Variants in CEP85L observed in about 807,000 individuals in gnomAD.
CEP85L encodes centrosomal protein 85L.
CEP85L carries 60 observed loss-of-function variants against 100.3 expected under a neutral mutation model. The ratio of observed to expected loss-of-function variants is 0.60; its 90% CI spans 0.49 to 0.74. The LOEUF (loss-of-function observed/expected upper bound fraction) is 0.74, where lower values mean the gene tolerates loss of function less well. Ranked by LOEUF, CEP85L falls within the 30% of genes least tolerant of loss-of-function variation. The pLI is 0.00. For missense variants in CEP85L, 973 were observed against 936.2 expected (o/e 1.04, Z -0.51); for synonymous variants, 319 against 322.7 (o/e 0.99, Z 0.12).
At chr6:118,530,618 C>T (rs1338740447) in intron 3 of CEP85L, among the ~76,000 whole-genome samples, 1 of 152,080 alleles carries the variant, frequency 6.6e-6, no homozygotes, top group Non-Finnish European at 1.5e-5. Context: ...ACCTAGAAAA[C>T]CCCATAGTTT....
chr6:118,611,693 C>T (rs757261337), intron 2 of CEP85L, among the ~76,000 whole-genome samples: 5 of 151,830 alleles, frequency 3.3e-5, no homozygotes, highest in African/African-American at 7.3e-5. Context: ...ATGAAAAAAG[C>T]GTGTTAGCTA....
intron 1 of CEP85L, among the ~76,000 whole-genome samples, chr6:118,695,083 C>A (rs979369423): frequency 2.0e-5 from 3 of 152,144 alleles, no homozygotes; most frequent in Admixed American, 1.3e-4. Context: ...GAAGCAACAC[C>A]ATTTACTCTC....
chr6:118,583,943 T>C (rs920436278), intron 2 of CEP85L, among the ~76,000 whole-genome samples: 3 of 152,210 alleles, frequency 2.0e-5, no homozygotes, highest in African/African-American at 7.2e-5. Context: ...ATTTAAAGGA[T>C]GCCTTTTTCT....
rs561369545 is a variant in CEP85L, at chr6:118,574,405, G to A, written c.233-8089C>T. On this transcript the variant is annotated intron_variant, in intron 2 of 12. Transcript: ENST00000368491. ...TCTCCTTTGTTCAATGTGCTCTTGC[G>A]ATCGTTACTGACGCAGGCACCACCC... Among the ~76,000 whole-genome samples, 8 of 152,320 alleles carry A rather than the reference G, an allele frequency of 5.3e-5. No homozygotes were observed. In the South Asian group the frequency reaches 6.2e-4, roughly 12 times the overall value.
intron 2 of CEP85L, among the ~76,000 whole-genome samples, chr6:118,596,253 C>T (rs1322679933): frequency 6.6e-6 from 1 of 152,034 alleles, no homozygotes. Flanking sequence ...TGATATATGG[C>T]ATGTTTTAAA....
chr6:118,466,990 C>A lies in CEP85L; in HGVS notation c.2255-1422G>T, dbSNP rs191446124. Among the ~76,000 whole-genome samples, 175 of 152,222 alleles carry A rather than the reference C, an allele frequency of 1.1e-3. 1 individual carries two copies. The highest frequency in any genetic ancestry group is 3.8e-3 in the African/African-American group (156 of 41,546). ...TTGAGTGATGGGCAGGGATTGGGCA[C>A]AGGCGCCAGATGAAGGAAAAAGCAG... On this transcript the variant is annotated intron_variant, in intron 12 of 12. Coordinates refer to ENST00000368491, the MANE Select transcript of CEP85L (RefSeq NM_001042475.3).
At chr6:118,652,281 C>T (rs1207347916), upstream of CEP85L, 2 of 499,822 alleles carry the variant, frequency 4.0e-6, no homozygotes, top group Non-Finnish European at 5.2e-6. Flanking sequence ...TCCTTGCCCC[C>T]TACTCCTTCA....
chr6:118,657,734 C>G (rs181035283), intron 1 of CEP85L, among the ~76,000 whole-genome samples: 1,506 of 62,258 alleles, frequency 0.024, 36 homozygotes, highest in African/African-American at 0.06. Flanking sequence ...GAGCTACTGC[C>G]CCCCAATTAA....
intron 1 of CEP85L, among the ~76,000 whole-genome samples, chr6:118,661,435 T>A (rs1775970149): frequency 6.6e-6 from 1 of 152,160 alleles, no homozygotes; most frequent in Admixed American, 6.5e-5. Context: ...TACGTTTCAA[T>A]AAGGTTTGTT....
rs767095932 is a variant in CEP85L at position 118,566,128 on chromosome 6, G to C, written c.421C>G (p.Gln141Glu). The change falls in exon 3 of 13, where the codon CAG (glutamine) becomes GAG (glutamate). Residue 141 changes from glutamine to glutamate, a missense_variant. Transcript: ENST00000368491. ...TCCTTCATGTCTAGGGAAGAGTCCT[G>C]CTCCCCCCTACTGTGGTTTCCCAAT... ...QTLGNHSRGE[Q>E]DSSLDMKDFR... The C allele has an allele frequency of 3.8e-5, 61 of 1,614,096 alleles. No individual in the cohort carries two copies. In the South Asian group the frequency reaches 6.7e-4, roughly 18 times the overall value.
At chr6:118,656,488 G>C (rs1049398850), upstream of CEP85L, among the ~76,000 whole-genome samples, 5 of 152,190 alleles carry the variant, frequency 3.3e-5, no homozygotes, top group Admixed American at 2.0e-4. Flanking sequence ...TGGAGGAATT[G>C]ATCTGTGAGG....
intron 2 of CEP85L, chr6:118,573,923 A>G (rs150186378): frequency 2.6e-5 from 4 of 152,386 alleles, no homozygotes; most frequent in Admixed American, 1.3e-4. Context: ...AGAAATCTTC[A>G]TGACCTTGTA....
At chr6:118,506,097 T>C (rs1344040779) in intron 5 of CEP85L, among the ~76,000 whole-genome samples, 1 of 152,198 alleles carries the variant, frequency 6.6e-6, no homozygotes, top group African/African-American at 2.4e-5. Flanking sequence ...CAGGTGCTTC[T>C]ACTATAATGC....
At chr6:118,469,452 A>G in intron 11 of CEP85L, 149 bp from the exon 12 acceptor site, 1 of 605,150 alleles carries the variant, frequency 1.7e-6, no homozygotes, top group South Asian at 2.1e-5. Context: ...ACATATATGC[A>G]GTGGGAAAAA....
intron 2 of CEP85L, among the ~76,000 whole-genome samples, chr6:118,571,005 T>C (rs1016016674): frequency 6.6e-6 from 1 of 151,924 alleles, no homozygotes; most frequent in African/African-American, 2.4e-5. Context: ...GAGAATTAAA[T>C]ATAAGAATTA....
chr6:118,518,515 C>A (rs1007041934), intron 4 of CEP85L, among the ~76,000 whole-genome samples: 2 of 152,128 alleles, frequency 1.3e-5, no homozygotes, highest in Non-Finnish European at 2.9e-5. Context: ...AGTTTATTTG[C>A]GTAAAGGTGT....
At chr6:118,479,201 C>A (rs1046050001) in intron 10 of CEP85L, among the ~76,000 whole-genome samples, 5 of 152,114 alleles carry the variant, frequency 3.3e-5, no homozygotes, top group African/African-American at 1.2e-4. Flanking sequence ...ATAAATAATA[C>A]AACCAAAAGA....
At chr6:118,631,375 T>C (rs970088546) in intron 2 of CEP85L, among the ~76,000 whole-genome samples, 1 of 152,198 alleles carries the variant, frequency 6.6e-6, no homozygotes, top group Non-Finnish European at 1.5e-5. Context: ...ACATTGCTGA[T>C]GGAAATGGTA....
At chr6:118,689,916 C>CTTT (rs34964907) in intron 1 of CEP85L, among the ~76,000 whole-genome samples, 29,183 of 135,972 alleles carry the variant, frequency 0.21, 4,076 homozygotes, top group Non-Finnish European at 0.32. Flanking sequence ...TCCCTGCCTG[C>CTTT]TTTTTTTTTT....
Sources: allele counts gnomAD v4.1 joint callset (sites outside exome capture counted in the v4.1 genomes callset), GRCh38; gene constraint gnomAD v4.1.1; transcripts MANE v1.5; gene names NCBI Gene and HGNC (gene_info 2026-07-23, HGNC 2026-07-21).